RABGAP1L: variants seen among roughly 807,000 people sequenced by gnomAD.
RABGAP1L encodes the protein RAB GTPase activating protein 1 like, also known as rab GTPase-activating protein 1-like.
In RABGAP1L, 63 loss-of-function variants were observed where a neutral mutation model predicts 137.7. That is an observed-to-expected ratio of 0.46 (90% confidence interval 0.37 to 0.56). RABGAP1L has a LOEUF of 0.56. RABGAP1L is among the 20% of genes least tolerant of loss of function. The probability of loss-of-function intolerance (pLI) is 0.00; values close to 1 mark genes in which losing one functional copy is unlikely to be tolerated. For missense variants in RABGAP1L, 1,095 were observed against 1,244.0 expected (o/e 0.88, Z 1.80); for synonymous variants, 431 against 433.7 (o/e 0.99, Z 0.08).
chr1:174,302,264 C>T (rs996307054), intron 10 of RABGAP1L, among the ~76,000 whole-genome samples: 3 of 152,194 alleles, frequency 2.0e-5, no homozygotes, highest in Non-Finnish European at 2.9e-5. Flanking sequence ...ATAGGTTAGA[C>T]TCTCTCATGC....
At chr1:174,733,865 C>A (rs1347142091) in intron 17 of RABGAP1L, among the ~76,000 whole-genome samples, 1 of 151,920 alleles carries the variant, frequency 6.6e-6, no homozygotes, top group Admixed American at 6.6e-5. Flanking sequence ...AGTGAGGAGA[C>A]CAGGAAACTG....
intron 13 of RABGAP1L, among the ~76,000 whole-genome samples, chr1:174,634,220 G>A (rs199689101): frequency 0.31 from 39,614 of 127,130 alleles, 7,967 homozygotes; most frequent in African/African-American, 0.63. Flanking sequence ...AAAAGTGGGC[G>A]AAGGACATGA....
chr1:174,467,995 C>G (rs1422629849), intron 13 of RABGAP1L, among the ~76,000 whole-genome samples: 1 of 152,006 alleles, frequency 6.6e-6, no homozygotes, highest in East Asian at 1.9e-4. Context: ...ATCGTGAAAT[C>G]TTAGGGTTGA....
chr1:174,865,042 G>A (rs1466420623), intron 19 of RABGAP1L, among the ~76,000 whole-genome samples: 1 of 152,122 alleles, frequency 6.6e-6, no homozygotes, highest in African/African-American at 2.4e-5. Context: ...ACCGAAGCCC[G>A]GGAAGTTTGA....
chr1:174,318,588 C>CTTTCT (rs1553272561), intron 11 of RABGAP1L, among the ~76,000 whole-genome samples: 1 of 126,388 alleles, frequency 7.9e-6, no homozygotes, highest in Non-Finnish European at 1.6e-5. Flanking sequence ...TGTTTTCTTT[C>CTTTCT]TTTCTTTCTT....
At chr1:174,419,929 G>T (rs1651057447) in intron 13 of RABGAP1L, among the ~76,000 whole-genome samples, 1 of 151,976 alleles carries the variant, frequency 6.6e-6, no homozygotes, top group Non-Finnish European at 1.5e-5. Context: ...CATGTATAGA[G>T]GCATTTAAAT....
chr1:174,684,097 G>C (rs761119901), intron 15 of RABGAP1L, among the ~76,000 whole-genome samples: 3 of 152,000 alleles, frequency 2.0e-5, no homozygotes, highest in South Asian at 4.2e-4. Flanking sequence ...TCCAGGATGG[G>C]GCACAGATAA....
chr1:174,750,552 G>T (rs1284680969), intron 17 of RABGAP1L, among the ~76,000 whole-genome samples: 1 of 152,130 alleles, frequency 6.6e-6, no homozygotes, highest in Non-Finnish European at 1.5e-5. Context: ...AAGGAATTTG[G>T]GGGGAATGTT....
At chr1:174,682,298 A>C (rs907353617) in intron 14 of RABGAP1L, among the ~76,000 whole-genome samples, 26 of 121,924 alleles carry the variant, frequency 2.1e-4, no homozygotes, top group Admixed American at 5.4e-4. Context: ...CTCTCTCTCT[A>C]TACATACATA....
chr1:174,285,571 G>A (rs1385747467), intron 10 of RABGAP1L, among the ~76,000 whole-genome samples: 1 of 147,728 alleles, frequency 6.8e-6, no homozygotes, highest in Non-Finnish European at 1.5e-5. Flanking sequence ...ATAAGATCAT[G>A]CCATCTACAA....
At chr1:174,940,168 C>T (rs1410169736) in intron 19 of RABGAP1L, among the ~76,000 whole-genome samples, 1 of 152,128 alleles carries the variant, frequency 6.6e-6, no homozygotes, top group Non-Finnish European at 1.5e-5. Context: ...TTTCTACTGT[C>T]ACCTTTTTCA....
At position 174,241,535 on chromosome 1, in the gene RABGAP1L, G is replaced by T; in HGVS notation, c.595G>T (p.Val199Leu). ...VEIASFPIYK[V>L]LFCARGHDGT... ...GATAGCATCTTTTCCAATCTATAAG[G>T]TGTTATTCTGTGCACGTGGACATGA... The change falls in exon 5 of 26, where the codon GTG becomes TTG. Residue 199 changes from valine (V) to leucine (L), a missense_variant. Val to Leu is a conservative substitution (Grantham distance 32). Coordinates refer to ENST00000681986, the MANE Select transcript of RABGAP1L (RefSeq NM_001366446.1). 1.2e-6 allele frequency: 2 copies of T among 1,612,646 alleles called. No individual in the cohort carries two copies. The highest frequency in any genetic ancestry group is 1.7e-6 in the Non-Finnish European group (2 of 1,178,866).
intron 10 of RABGAP1L, among the ~76,000 whole-genome samples, chr1:174,298,238 G>T (rs1677314140): frequency 6.6e-6 from 1 of 152,158 alleles, no homozygotes; most frequent in African/African-American, 2.4e-5. Context: ...TCCGTCTTCT[G>T]TCCTTGCATC....
chr1:174,381,293 T>G (rs1686130825), intron 12 of RABGAP1L, among the ~76,000 whole-genome samples: 1 of 146,944 alleles, frequency 6.8e-6, no homozygotes, highest in Non-Finnish European at 1.5e-5. Context: ...GTTCTGTAGA[T>G]GTCTATTAGG....
intron 1 of RABGAP1L, among the ~76,000 whole-genome samples, chr1:174,182,572 A>G (rs1022314380): frequency 6.6e-6 from 1 of 152,224 alleles, no homozygotes; most frequent in African/African-American, 2.4e-5. Flanking sequence ...CCCATAAATC[A>G]CAAATTATAG....
intron 1 of RABGAP1L, among the ~76,000 whole-genome samples, chr1:174,194,817 G>A (rs1367216423): frequency 6.6e-6 from 1 of 152,110 alleles, no homozygotes; most frequent in Non-Finnish European, 1.5e-5. Flanking sequence ...ACTGCTGGTG[G>A]GCACAGGGTT....
intron 13 of RABGAP1L, among the ~76,000 whole-genome samples, chr1:174,550,760 C>G (rs1362813695): frequency 6.7e-6 from 1 of 148,850 alleles, no homozygotes; most frequent in Non-Finnish European, 1.5e-5. Context: ...TGGCTCACAC[C>G]TGTAATCCCA....
chr1:174,546,450 A>T (rs1397917393), intron 13 of RABGAP1L, among the ~76,000 whole-genome samples: 2 of 152,232 alleles, frequency 1.3e-5, no homozygotes, highest in Admixed American at 6.5e-5. Context: ...GTATTAAGCC[A>T]AAGTTTTAGT....
At chr1:174,206,499 T>C (rs1248791655) in intron 1 of RABGAP1L, among the ~76,000 whole-genome samples, 1 of 152,198 alleles carries the variant, frequency 6.6e-6, no homozygotes, top group African/African-American at 2.4e-5. Flanking sequence ...TTAAGAATAG[T>C]TCCCTTTCTA....
Sources: allele counts gnomAD v4.1 joint callset (sites outside exome capture counted in the v4.1 genomes callset), GRCh38; gene constraint gnomAD v4.1.1; transcripts MANE v1.5; gene names NCBI Gene and HGNC (gene_info 2026-07-23, HGNC 2026-07-21).